SLC8A1: variants seen among roughly 807,000 people sequenced by gnomAD.
The protein encoded by SLC8A1 is sodium/calcium exchanger 1.
SLC8A1 carries 18 observed loss-of-function variants against 68.3 expected under a neutral mutation model. The observed-to-expected ratio is 0.26, with a 90% CI of 0.18 to 0.39. The LOEUF (loss-of-function observed/expected upper bound fraction) is 0.39, where lower values mean the gene tolerates loss of function less well. Among genes scored for constraint, SLC8A1 ranks in the 10% least tolerant of loss-of-function variants. The probability of loss-of-function intolerance (pLI) is 1.00; values close to 1 mark genes in which losing one functional copy is unlikely to be tolerated. For synonymous variants in SLC8A1, 475 were observed against 415.5 expected (o/e 1.14, Z -1.74); for missense variants, 985 against 1,156.7 (o/e 0.85, Z 2.15).
chr2:40,141,389 C>T (rs2041538908), intron 6 of SLC8A1, among the ~76,000 whole-genome samples: 1 of 152,228 alleles, frequency 6.6e-6, no homozygotes, highest in African/African-American at 2.4e-5. Context: ...GAGGCAATGG[C>T]CTGCTCTTTC....
At chr2:40,464,610 G>C (rs1359114076) in intron 1 of SLC8A1, among the ~76,000 whole-genome samples, 1 of 152,160 alleles carries the variant, frequency 6.6e-6, no homozygotes, top group Non-Finnish European at 1.5e-5. Flanking sequence ...GTTGGTGAAA[G>C]ACTACAGAGG....
intron 2 of SLC8A1, among the ~76,000 whole-genome samples, chr2:40,372,819 G>A (rs945650974): frequency 6.6e-6 from 1 of 152,080 alleles, no homozygotes; most frequent in Admixed American, 6.6e-5. Flanking sequence ...CACGTCTCCA[G>A]TGTAACAGTG....
chr2:40,380,471 T>C (rs1438018723), intron 2 of SLC8A1, among the ~76,000 whole-genome samples: 1 of 152,124 alleles, frequency 6.6e-6, no homozygotes, highest in Non-Finnish European at 1.5e-5. Flanking sequence ...GACAAACTTA[T>C]CTGTTTTATC....
intron 2 of SLC8A1, among the ~76,000 whole-genome samples, chr2:40,410,136 C>T (rs1691647060): frequency 6.6e-6 from 1 of 152,016 alleles, no homozygotes; most frequent in Non-Finnish European, 1.5e-5. Context: ...AGGGATAGAA[C>T]ACATGACTCT....
At chr2:40,423,897 G>C (rs960540867) in intron 2 of SLC8A1, among the ~76,000 whole-genome samples, 2 of 151,848 alleles carry the variant, frequency 1.3e-5, no homozygotes, top group Non-Finnish European at 2.9e-5. Context: ...GATATTATAT[G>C]TGATTTGGCT....
At chr2:40,253,209 CTATACATATTTACA>C (rs1259939289) in intron 2 of SLC8A1, among the ~76,000 whole-genome samples, 31 of 144,412 alleles carry the variant, frequency 2.1e-4, no homozygotes, top group Non-Finnish European at 4.2e-4. Flanking sequence ...GTATACACAT[CTATACATATTTACA>C]TATACATACA....
At chr2:40,400,806 C>T (rs1247500985) in intron 2 of SLC8A1, among the ~76,000 whole-genome samples, 1 of 152,148 alleles carries the variant, frequency 6.6e-6, no homozygotes, top group Non-Finnish European at 1.5e-5. Context: ...GGAGCATCTG[C>T]CTTCTAAGGA....
chr2:40,142,379 CAG>C (rs1163639630), intron 6 of SLC8A1, among the ~76,000 whole-genome samples: 1 of 152,104 alleles, frequency 6.6e-6, no homozygotes, highest in Non-Finnish European at 1.5e-5. Context: ...TGCATATACT[CAG>C]AAAAGTTGAG....
At chr2:40,476,170 C>A (rs1704289968) in intron 1 of SLC8A1, among the ~76,000 whole-genome samples, 1 of 152,164 alleles carries the variant, frequency 6.6e-6, no homozygotes, top group African/African-American at 2.4e-5. Context: ...CTTTTCTATT[C>A]ATATATTCCT....
At chr2:40,297,793 T>C (rs555700180) in intron 2 of SLC8A1, among the ~76,000 whole-genome samples, 6 of 152,348 alleles carry the variant, frequency 3.9e-5, no homozygotes, top group Admixed American at 6.5e-5. Flanking sequence ...ATGACTCATC[T>C]TCAATTCAAG....
chr2:40,300,117 C>G (rs2071170991), intron 2 of SLC8A1, among the ~76,000 whole-genome samples: 1 of 152,134 alleles, frequency 6.6e-6, no homozygotes, highest in South Asian at 2.1e-4. Context: ...GCCAACCCAG[C>G]CCTGAGGGCC....
chr2:40,301,733 A>C (rs1393047623), intron 2 of SLC8A1, among the ~76,000 whole-genome samples: 1 of 152,134 alleles, frequency 6.6e-6, no homozygotes, highest in Non-Finnish European at 1.5e-5. Context: ...CTTATCCATA[A>C]AATTCTTTTT....
intron 1 of SLC8A1, among the ~76,000 whole-genome samples, chr2:40,506,073 G>A (rs1169698671): frequency 1.3e-5 from 2 of 150,836 alleles, no homozygotes; most frequent in South Asian, 4.2e-4. Context: ...ACCTGAGATG[G>A]AGACACATTT....
At chr2:40,209,694 A>C (rs769518650) in intron 2 of SLC8A1, among the ~76,000 whole-genome samples, 82 of 152,204 alleles carry the variant, frequency 5.4e-4, no homozygotes, top group Non-Finnish European at 7.5e-4. Flanking sequence ...CAGAGTATAG[A>C]GTGATAGACG....
intron 2 of SLC8A1, among the ~76,000 whole-genome samples, chr2:40,405,977 C>T (rs1470863895): frequency 6.6e-6 from 1 of 152,146 alleles, no homozygotes; most frequent in Admixed American, 6.5e-5. Flanking sequence ...ATAATCTTCA[C>T]AAAATCATTT....
At chr2:40,316,017 A>G (rs1206839041) in intron 2 of SLC8A1, among the ~76,000 whole-genome samples, 2 of 152,066 alleles carry the variant, frequency 1.3e-5, no homozygotes, top group African/African-American at 4.8e-5. Flanking sequence ...TTCTGCATAC[A>G]AGCATCACAT....
chr2:40,274,210 T>A (rs1386446588), intron 2 of SLC8A1, among the ~76,000 whole-genome samples: 1 of 148,168 alleles, frequency 6.7e-6, no homozygotes, highest in Non-Finnish European at 1.5e-5. Context: ...ATGATCACAT[T>A]TGCATACTAG....
At chr2:40,240,278 G>A (rs1011924658) in intron 2 of SLC8A1, among the ~76,000 whole-genome samples, 5 of 152,284 alleles carry the variant, frequency 3.3e-5, no homozygotes, top group African/African-American at 4.8e-5. Context: ...TCAAGTCTCC[G>A]ACGGAGCGGA....
chr2:40,448,680 G>A (rs953723994), intron 1 of SLC8A1, among the ~76,000 whole-genome samples: 1 of 152,150 alleles, frequency 6.6e-6, no homozygotes, highest in African/African-American at 2.4e-5. Context: ...TGCCACAAGA[G>A]GGAGCAGTAG....
Sources: allele counts gnomAD v4.1 joint callset (sites outside exome capture counted in the v4.1 genomes callset), GRCh38; gene constraint gnomAD v4.1.1; transcripts MANE v1.5; gene names NCBI Gene and HGNC (gene_info 2026-07-23, HGNC 2026-07-21).